Variants in HECW2 observed in about 807,000 individuals in gnomAD.
The protein encoded by HECW2 is E3 ubiquitin-protein ligase HECW2.
HECW2 carries 61 observed loss-of-function variants against 175.2 expected under a neutral mutation model. That is an observed-to-expected ratio of 0.35 (90% CI 0.28 to 0.43). The LOEUF (loss-of-function observed/expected upper bound fraction) is 0.43. Among genes scored for constraint, HECW2 ranks in the 20% least tolerant of loss-of-function variants. HECW2 has a pLI of 1.00. For synonymous variants in HECW2, 671 were observed against 731.0 expected (o/e 0.92, Z 1.32); for missense variants, 1,524 against 2,000.5 (o/e 0.76, Z 4.54).
intron 4 of HECW2, 57 bp from the exon 5 acceptor site, chr2:196,329,707 G>T: frequency 7.2e-7 from 1 of 1,392,026 alleles, no homozygotes. Context: ...CACTGGATCT[G>T]ACTAGGAAAC....
chr2:196,220,948 T>G lies in HECW2; in HGVS notation c.4147-7A>C, dbSNP rs967150701. The G allele has an allele frequency of 3.7e-6, 6 of 1,613,506 alleles. No individual in the cohort carries two copies. The highest frequency in any genetic ancestry group is 5.1e-6 in the Non-Finnish European group (6 of 1,179,564). On this transcript the variant is annotated splice_region_variant and splice_polypyrimidine_tract_variant and intron_variant, in intron 24 of 28. Transcript: ENST00000644978. ...TTAATTCTCGTTCAGTTATCTGAGA[T>G]TACAAAATAAAAAGAATGACTACAA...
chr2:196,359,415 T>G (rs576480505), intron 2 of HECW2, among the ~76,000 whole-genome samples: 2 of 152,226 alleles, frequency 1.3e-5, no homozygotes, highest in South Asian at 4.2e-4. Flanking sequence ...GCCACTGCAC[T>G]CCAGCCTGGC....
chr2:196,385,857 TG>T (rs1202945463), intron 2 of HECW2, among the ~76,000 whole-genome samples: 1 of 152,248 alleles, frequency 6.6e-6, no homozygotes, highest in East Asian at 1.9e-4. Context: ...CTAACTTGGT[TG>T]GAAGCCTATT....
rs572713075 is a variant in HECW2, at chr2:196,566,004, A to G, written c.-36+27504T>C. Among the ~76,000 whole-genome samples the G allele has an allele frequency of 2.0e-5, 3 of 152,276 alleles. No individual in the cohort carries two copies. In the South Asian group the frequency reaches 6.2e-4, roughly 32 times the overall value. ...CGTTTGTTTCCCTCAGCCAATTACCAGGAAACAACTTTTTAAATTACATAG... is the reference window on the plus strand; with the variant it reads ...CGTTTGTTTCCCTCAGCCAATTACCGGGAAACAACTTTTTAAATTACATAG... On this transcript the variant is annotated intron_variant, in intron 1 of 28. Coordinates refer to ENST00000644978, the MANE Select transcript of HECW2 (RefSeq NM_001348768.2).
chr2:196,400,166 T>A (rs1449973833), intron 2 of HECW2, among the ~76,000 whole-genome samples: 1 of 152,246 alleles, frequency 6.6e-6, no homozygotes, highest in Non-Finnish European at 1.5e-5. Context: ...ATAATTTTTC[T>A]AATCACACAG....
intron 2 of HECW2, among the ~76,000 whole-genome samples, chr2:196,431,058 T>C (rs1291850350): frequency 6.6e-6 from 1 of 152,104 alleles, no homozygotes; most frequent in Non-Finnish European, 1.5e-5. Context: ...AAAAAAGACA[T>C]GTAACATACA....
At chr2:196,500,367 A>AC (rs747942724) in intron 1 of HECW2, among the ~76,000 whole-genome samples, 12 of 152,220 alleles carry the variant, frequency 7.9e-5, no homozygotes, top group Non-Finnish European at 1.3e-4. Flanking sequence ...CATCATACTT[A>AC]CATACATACA....
At chr2:196,409,157 C>T (rs772831226) in intron 2 of HECW2, among the ~76,000 whole-genome samples, 2 of 152,092 alleles carry the variant, frequency 1.3e-5, no homozygotes, top group Admixed American at 6.6e-5. Flanking sequence ...ACACTACTGA[C>T]CATGGCACTT....
At chr2:196,563,217 T>C (rs1163084954) in intron 1 of HECW2, among the ~76,000 whole-genome samples, 1 of 152,190 alleles carries the variant, frequency 6.6e-6, no homozygotes, top group African/African-American at 2.4e-5. Context: ...TCTAAACCAC[T>C]TTTACTGTTT....
At chr2:196,574,375 A>G (rs1035069841) in intron 1 of HECW2, among the ~76,000 whole-genome samples, 1 of 152,090 alleles carries the variant, frequency 6.6e-6, no homozygotes, top group African/African-American at 2.4e-5. Flanking sequence ...GGTTGCGGTG[A>G]GCAGAGATAG....
chr2:196,460,970 A>C (rs1030101346), intron 1 of HECW2, among the ~76,000 whole-genome samples: 2 of 152,044 alleles, frequency 1.3e-5, no homozygotes, highest in African/African-American at 2.4e-5. Context: ...CACAGGATCA[A>C]ATTAATTACG....
intron 16 of HECW2, among the ~76,000 whole-genome samples, chr2:196,273,373 G>A (rs1689821137): frequency 6.6e-6 from 1 of 152,042 alleles, no homozygotes; most frequent in Admixed American, 6.6e-5. Context: ...AGCCAACCTA[G>A]TCTAATTTAA....
chr2:196,234,114 C>T (rs1393000387), intron 21 of HECW2, among the ~76,000 whole-genome samples: 1 of 152,178 alleles, frequency 6.6e-6, no homozygotes, highest in Non-Finnish European at 1.5e-5. Flanking sequence ...TAAACTCATT[C>T]TTTCTTAAGA....
chr2:196,569,177 A>C (rs1048525865), intron 1 of HECW2, among the ~76,000 whole-genome samples: 1 of 152,114 alleles, frequency 6.6e-6, no homozygotes, highest in Non-Finnish European at 1.5e-5. Context: ...TCTCTCCAAA[A>C]ACTTTGAAAA....
Position 196,240,449 on chromosome 2 carries a change from C to G in HECW2, c.3764G>C (p.Gly1255Ala). The change falls in exon 21 of 29, where the codon GGG becomes GCG. Residue 1255 changes from glycine (G) to alanine (A), a missense_variant and splice_region_variant. Physicochemically the swap from Gly to Ala is moderately conservative, Grantham distance 60. This residue lies in a region of HECW2 where 291 missense variants were observed against 412.2 expected (regional missense o/e 0.71). Coordinates refer to ENST00000644978, the MANE Select transcript of HECW2 (RefSeq NM_001348768.2). ...KLYVTFVGEE[G>A]LDYSGPSREF... is the part of the protein sequence containing the mutation. ...CAGGCCACTTCTCTGTTCTACTCAC[C>G]CTTCCTCCCCAACGAAGGTGACATA... is the stretch of plus-strand genomic sequence containing the variant. The G allele has an allele frequency of 1.2e-6, 2 of 1,602,880 alleles. No homozygotes were observed. The highest frequency in any genetic ancestry group is 1.7e-6 in the Non-Finnish European group (2 of 1,173,882).
At chr2:196,379,356 A>G (rs1694138106) in intron 2 of HECW2, among the ~76,000 whole-genome samples, 1 of 152,194 alleles carries the variant, frequency 6.6e-6, no homozygotes, top group African/African-American at 2.4e-5. Flanking sequence ...ACAGGTCTAC[A>G]CATACGTAAA....
At chr2:196,357,281 T>C (rs1285264465) in intron 2 of HECW2, among the ~76,000 whole-genome samples, 2 of 149,132 alleles carry the variant, frequency 1.3e-5, no homozygotes, top group Non-Finnish European at 3.0e-5. Context: ...CAAAAGGCTG[T>C]GACCCAATCT....
chr2:196,538,875 C>T (rs2125462348), intron 1 of HECW2, among the ~76,000 whole-genome samples: 1 of 152,248 alleles, frequency 6.6e-6, no homozygotes, highest in East Asian at 1.9e-4. Context: ...CTCCTCTCTA[C>T]CAATCAACGC....
intron 1 of HECW2, among the ~76,000 whole-genome samples, chr2:196,519,757 G>A (rs557941188): frequency 3.3e-5 from 5 of 152,262 alleles, no homozygotes; most frequent in Admixed American, 6.5e-5. Flanking sequence ...AAGAAAATAC[G>A]TGTAATGGCA....
Sources: gnomAD v4.1 joint callset for allele counts (sites outside exome capture counted in the v4.1 genomes callset) on GRCh38, gnomAD v4.1.1 for gene constraint, gnomAD v4.1.1 regional missense constraint, MANE v1.5 for transcripts, NCBI Gene and HGNC (gene_info 2026-07-23, HGNC 2026-07-21) for gene names.